The following TIMM44 variants were observed in gnomAD, a reference collection of about 807,000 sequenced individuals.
TIMM44 encodes the protein translocase of inner mitochondrial membrane 44.
A neutral mutation model predicts 63.8 loss-of-function variants in TIMM44; 37 were observed. That is an observed-to-expected ratio of 0.58 (90% CI 0.45 to 0.76). TIMM44 has a LOEUF of 0.76. Ranked by LOEUF, TIMM44 falls within the 30% of genes least tolerant of loss-of-function variation. The probability of loss-of-function intolerance (pLI) is 0.00; values close to 1 mark genes in which losing one functional copy is unlikely to be tolerated. For synonymous variants in TIMM44, 239 were observed against 245.1 expected (o/e 0.98, Z 0.23); for missense variants, 573 against 603.8 (o/e 0.95, Z 0.54).
At position 7,934,636 on chromosome 19, in the gene TIMM44, G is replaced by A. The variant is rs1984091658; in HGVS notation, c.394-398C>T. Among the ~76,000 whole-genome samples the A allele has an allele frequency of 6.6e-6, 1 of 152,154 alleles. No individual in the cohort carries two copies. Among genetic ancestry groups the A allele is most frequent in the African/African-American group, 2.4e-5 (1 of 41,438 alleles). On this transcript the variant is annotated intron_variant, in intron 4 of 12. Transcript: ENST00000270538. This position sits in a 1 kb window ranked among gnomAD's most constrained non-coding sequence, Gnocchi z 5.3. ...CTGCCTGGCAGCAAGGATTCCCAAG[G>A]AGGGGACCCCGGGGAAAGAACGGCG...
At chr19:7,935,010 G>A in intron 4 of TIMM44, 55 bp downstream of exon 4, 1 of 1,530,366 alleles carries the variant, frequency 6.5e-7, no homozygotes. Flanking sequence ...CCAGCCTCCA[G>A]CGGCCAGGGG....
chr19:7,938,363 C>T (rs1378843263), intron 2 of TIMM44, among the ~76,000 whole-genome samples, 166 bp from the exon 3 acceptor site: 1 of 151,832 alleles, frequency 6.6e-6, no homozygotes, highest in Non-Finnish European at 1.5e-5. Flanking sequence ...AACAAAGAAA[C>T]AGCAGGTGAT....
rs1222879071 is a variant in TIMM44, at chr19:7,934,331, C to G, written c.394-93G>C. On this transcript the variant is annotated intron_variant, in intron 4 of 12. Coordinates refer to ENST00000270538, the MANE Select transcript of TIMM44 (RefSeq NM_006351.4). The surrounding 1 kb of genome is among the most constrained non-coding windows in gnomAD (Gnocchi z 5.3). Reference sequence around the variant, plus strand: ...AATGAATTCCTGCCGGAGAGAAGGGCGGATCTGGTTCCCCGAGGCCGGCAG... The same window carrying G: ...AATGAATTCCTGCCGGAGAGAAGGGGGGATCTGGTTCCCCGAGGCCGGCAG... 6.5e-7 allele frequency: 1 copy of G among 1,541,504 alleles called. No individual in the cohort carries two copies. Among genetic ancestry groups the G allele is most frequent in the Non-Finnish European group, 8.9e-7 (1 of 1,129,064 alleles).
Position 7,926,737 on chromosome 19 carries a change from G to A in TIMM44, c.*450C>T, listed in dbSNP as rs1240739574. 4.4e-6 allele frequency: 1 copy of A among 228,732 alleles called. No homozygotes were observed. Among genetic ancestry groups the A allele is most frequent in the African/African-American group, 2.3e-5 (1 of 43,484 alleles). 14.2% of individuals were successfully genotyped at this position (228,732 alleles called of 1,614,324 possible). ...CGTAGCTGCTCTTCTGCAATTCGGT[G>A]TTTTATTCTTTCCAAATCTCAGGCT... On this transcript the variant is annotated 3_prime_UTR_variant, in exon 13 of 13. Coordinates refer to ENST00000270538, the MANE Select transcript of TIMM44 (RefSeq NM_006351.4).
At chr19:7,942,993 T>A (rs2038209604) in intron 1 of TIMM44, among the ~76,000 whole-genome samples, 1 of 139,746 alleles carries the variant, frequency 7.2e-6, no homozygotes, top group African/African-American at 2.7e-5. Flanking sequence ...TGAGCCGAGA[T>A]CGCGCCATTG....
intron 9 of TIMM44, chr19:7,931,449 A>C: frequency 2.0e-6 from 1 of 500,088 alleles, no homozygotes; most frequent in Non-Finnish European, 3.6e-6. Context: ...CCACAGGGGG[A>C]CCCCCCTGGA....
At chr19:7,927,501 T>TC in intron 12 of TIMM44, 156 bp downstream of exon 12, 4 of 1,025,288 alleles carry the variant, frequency 3.9e-6, no homozygotes, top group Non-Finnish European at 1.5e-6. Flanking sequence ...GTCTCCGACC[T>TC]CCCTCAACCC....
chr19:7,927,388 G>A, intron 12 of TIMM44, 82 bp from the exon 13 acceptor site: 1 of 1,549,786 alleles, frequency 6.5e-7, no homozygotes, highest in Non-Finnish European at 8.8e-7. Flanking sequence ...GCTCTGTGGG[G>A]CAGGAGCCAC....
At chr19:7,937,299 A>G (rs184844118) in intron 3 of TIMM44, among the ~76,000 whole-genome samples, 17 of 152,336 alleles carry the variant, frequency 1.1e-4, no homozygotes, top group Admixed American at 1.0e-3. Context: ...ATAAAATACC[A>G]GCACCATCAC....
Position 7,932,778 on chromosome 19 carries a change from G to C in TIMM44, c.863-27C>G, listed in dbSNP as rs762263070. ...TGCAGGGAGCAGAGCCGGGAGTTCG[G>C]GGGGAAGGCCGGGGACCCCGCCCCA... is the stretch of plus-strand genomic sequence containing the variant. On this transcript the variant is annotated intron_variant, in intron 8 of 12. Transcript: ENST00000270538. The C allele has an allele frequency of 7.0e-5, 113 of 1,613,930 alleles. 1 individual carries two copies. The highest frequency in any genetic ancestry group is 9.4e-5 in the Non-Finnish European group (111 of 1,179,970).
intron 10 of TIMM44, 146 bp downstream of exon 10, chr19:7,930,992 G>A (rs1167971706): frequency 5.2e-5 from 36 of 697,934 alleles, no homozygotes; most frequent in Non-Finnish European, 6.7e-5. Flanking sequence ...TCAGGCTCTC[G>A]GAGGGTGAGA....
chr19:7,941,077 G>A (rs374349582), intron 2 of TIMM44, 25 bp downstream of exon 2: 29 of 1,601,712 alleles, frequency 1.8e-5, no homozygotes, highest in Non-Finnish European at 2.4e-5. Context: ...TGTGTCTGCT[G>A]GCCCGAGCAT....
chr19:7,937,872 G>C (rs1984198348), intron 3 of TIMM44, 155 bp downstream of exon 3: 2 of 856,146 alleles, frequency 2.3e-6, no homozygotes, highest in Non-Finnish European at 3.8e-6. Context: ...ACAAAAATTA[G>C]CTGGGCGTGG....
rs1183858695 is a variant in TIMM44, at chr19:7,933,686, G to C, written c.684-116C>G. 17 of 1,277,294 alleles carry C rather than the reference G, an allele frequency of 1.3e-5. No homozygotes were observed. In the Admixed American group the frequency reaches 2.6e-4, roughly 19 times the overall value. The allele number at this position is 1,277,294 out of a possible 1,614,324, so 79.1% of individuals were successfully genotyped here. ...GCAGGCAGCTGAGACCTCAAACCTA[G>C]GGGCTCTGAGGACCCCGCCCTCACC... On this transcript the variant is annotated intron_variant, in intron 6 of 12. Transcript: ENST00000270538. This position sits in a 1 kb window ranked among gnomAD's most constrained non-coding sequence, Gnocchi z 4.3.
At chr19:7,927,353 C>T (rs200832951) in intron 12 of TIMM44, 47 bp from the exon 13 acceptor site, 3 of 1,596,038 alleles carry the variant, frequency 1.9e-6, no homozygotes, top group South Asian at 2.2e-5. Flanking sequence ...TTGAGGTGAC[C>T]CAGGCAGCTC....
intron 11 of TIMM44, 146 bp downstream of exon 11, chr19:7,927,931 C>T (rs530574570): frequency 5.0e-5 from 54 of 1,085,724 alleles, no homozygotes; most frequent in East Asian, 2.3e-4. Flanking sequence ...ACCAGGCCTC[C>T]CTCGAGACCC....
At chr19:7,937,234 A>G (rs1280116722) in intron 3 of TIMM44, among the ~76,000 whole-genome samples, 1 of 152,138 alleles carries the variant, frequency 6.6e-6, no homozygotes, top group Non-Finnish European at 1.5e-5. Flanking sequence ...ACGCCACTGC[A>G]CTCCAGCCTG....
In TIMM44 at chr19:7,932,828, T is replaced by A; in HGVS notation, c.862+12A>T. 6.2e-7 allele frequency: 1 copy of A among 1,614,138 alleles called. No homozygotes were observed. Among genetic ancestry groups the A allele is most frequent in the South Asian group, 1.1e-5 (1 of 91,086 alleles). On this transcript the variant is annotated intron_variant, in intron 8 of 12. Coordinates refer to ENST00000270538, the MANE Select transcript of TIMM44 (RefSeq NM_006351.4). The stretch of plus-strand genomic sequence containing the variant: ...ACCACCAGCCTGCGAGGTCCAGGGA[T>A]GACTCACTCACCCAGCAAGTCGGTG...
chr19:7,930,143 C>G (rs1196452637), intron 10 of TIMM44, among the ~76,000 whole-genome samples: 1 of 151,430 alleles, frequency 6.6e-6, no homozygotes, highest in Non-Finnish European at 1.5e-5. Flanking sequence ...GCCACCGTGC[C>G]CGACCTATTT....
Sources: gnomAD v4.1 joint callset for allele counts (sites outside exome capture counted in the v4.1 genomes callset) on GRCh38, gnomAD v4.1.1 for gene constraint, Gnocchi (gnomAD v3.1) non-coding constraint, MANE v1.5 for transcripts, NCBI Gene and HGNC (gene_info 2026-07-23, HGNC 2026-07-21) for gene names.